MDFIC2: variants seen among roughly 807,000 people sequenced by gnomAD.
MDFIC2 encodes the protein myoD family inhibitor domain-containing protein 2.
At chr3:70,206,934 T>C in intron 2 of MDFIC2, 144 bp from the exon 3 acceptor site, 2 of 393,538 alleles carry the variant, frequency 5.1e-6, no homozygotes, top group South Asian at 1.4e-4. Flanking sequence ...AGCAAGACAA[T>C]TTTGAATAAA....
chr3:70,242,873 C>T (rs952394731), intron 2 of MDFIC2, among the ~76,000 whole-genome samples: 1 of 151,954 alleles, frequency 6.6e-6, no homozygotes, highest in African/African-American at 2.4e-5. Flanking sequence ...AATGTCTTGG[C>T]CATCTGTGCC....
chr3:70,279,435 C>T (rs1702059400), intron 2 of MDFIC2, among the ~76,000 whole-genome samples: 1 of 152,066 alleles, frequency 6.6e-6, no homozygotes, highest in South Asian at 2.1e-4. Flanking sequence ...TTATCTCCTT[C>T]ACATCTCTGA....
intron 2 of MDFIC2, among the ~76,000 whole-genome samples, chr3:70,281,719 CCTT>C (rs1480853418): frequency 6.6e-6 from 1 of 152,144 alleles, no homozygotes; most frequent in Non-Finnish European, 1.5e-5. Flanking sequence ...CAAGTGAACT[CCTT>C]CTCGTCTTTG....
intron 2 of MDFIC2, 131 bp downstream of exon 2, chr3:70,311,753 GAA>G (rs1437189238): frequency 4.7e-5 from 18 of 379,026 alleles, no homozygotes; most frequent in East Asian, 3.0e-4. Context: ...GAAAAAAAAA[GAA>G]AAGAGTGAAA....
intron 2 of MDFIC2, among the ~76,000 whole-genome samples, chr3:70,292,645 C>T (rs1238840104): frequency 6.6e-6 from 1 of 152,010 alleles, no homozygotes; most frequent in African/African-American, 2.4e-5. Flanking sequence ...ACTATTTAAA[C>T]TCCCTAATGA....
chr3:70,253,807 C>A (rs1346181451), intron 2 of MDFIC2, among the ~76,000 whole-genome samples: 1 of 152,076 alleles, frequency 6.6e-6, no homozygotes, highest in Admixed American at 6.6e-5. Context: ...TAAGACTATA[C>A]CATAACCCAT....
chr3:70,200,188 C>A (rs1300148427), intron 3 of MDFIC2, among the ~76,000 whole-genome samples: 1 of 152,206 alleles, frequency 6.6e-6, no homozygotes, highest in Admixed American at 6.5e-5. Flanking sequence ...CAGCCACCAG[C>A]AGGTCAACAG....
chr3:70,295,891 T>A (rs1031053611), intron 2 of MDFIC2, among the ~76,000 whole-genome samples: 2 of 152,180 alleles, frequency 1.3e-5, no homozygotes, highest in Non-Finnish European at 2.9e-5. Context: ...GATCTTTGCC[T>A]TGTTTCCCAT....
At chr3:70,204,846 T>C (rs1304358185) in intron 3 of MDFIC2, 2 of 152,110 alleles carry the variant, frequency 1.3e-5, no homozygotes, top group African/African-American at 2.4e-5. Context: ...ACTGTGGATA[T>C]GTACAATGGC....
intron 2 of MDFIC2, chr3:70,272,097 C>T (rs1245579679): frequency 6.6e-6 from 1 of 152,144 alleles, no homozygotes; most frequent in Non-Finnish European, 1.5e-5. Context: ...TAACAACAAT[C>T]CCCAAATATC....
chr3:70,289,531 A>G (rs1404556863), intron 2 of MDFIC2, among the ~76,000 whole-genome samples: 1 of 147,484 alleles, frequency 6.8e-6, no homozygotes, highest in Non-Finnish European at 1.5e-5. Flanking sequence ...TCTGACAATT[A>G]TGTGTCTTGG....
intron 2 of MDFIC2, among the ~76,000 whole-genome samples, chr3:70,274,334 A>G (rs1441968922): frequency 2.6e-5 from 4 of 152,150 alleles, no homozygotes; most frequent in Non-Finnish European, 4.4e-5. Context: ...AAGGTTGAGA[A>G]TCATCATATT....
At chr3:70,245,712 T>TATAC (rs1289496906) in intron 2 of MDFIC2, among the ~76,000 whole-genome samples, 1 of 128,382 alleles carries the variant, frequency 7.8e-6, no homozygotes, top group East Asian at 2.3e-4. Flanking sequence ...TATATATATA[T>TATAC]ATACACATTC....
At chr3:70,235,729 G>T (rs1701600345) in intron 2 of MDFIC2, among the ~76,000 whole-genome samples, 1 of 152,116 alleles carries the variant, frequency 6.6e-6, no homozygotes, top group Non-Finnish European at 1.5e-5. Context: ...ATTCAAATCA[G>T]GCCATTGATA....
At chr3:70,240,457 T>G (rs1038492497) in intron 2 of MDFIC2, among the ~76,000 whole-genome samples, 2 of 152,126 alleles carry the variant, frequency 1.3e-5, no homozygotes, top group Admixed American at 6.6e-5. Context: ...ACACACTATT[T>G]TTTGGTGTTC....
At chr3:70,217,512 T>C in intron 2 of MDFIC2, among the ~76,000 whole-genome samples, 1 of 152,162 alleles carries the variant, frequency 6.6e-6, no homozygotes, top group East Asian at 1.9e-4. Context: ...CTGAGCTTTC[T>C]AGGTTTTACC....
chr3:70,226,983 C>T (rs1219575756), intron 2 of MDFIC2, among the ~76,000 whole-genome samples: 1 of 152,094 alleles, frequency 6.6e-6, no homozygotes, highest in Admixed American at 6.5e-5. Flanking sequence ...GGAGCAGTGG[C>T]TCTTGATTGA....
At chr3:70,225,468 A>G (rs1284773464) in intron 2 of MDFIC2, among the ~76,000 whole-genome samples, 2 of 152,180 alleles carry the variant, frequency 1.3e-5, no homozygotes, top group Non-Finnish European at 2.9e-5. Context: ...TGTAAATCAG[A>G]TATCTACCTC....
chr3:70,234,001 A>G (rs1701586189), intron 2 of MDFIC2, among the ~76,000 whole-genome samples: 1 of 152,222 alleles, frequency 6.6e-6, no homozygotes. Flanking sequence ...CTCTAGGAGT[A>G]AAATGCTGAG....
Sources: allele counts gnomAD v4.1 joint callset (sites outside exome capture counted in the v4.1 genomes callset), GRCh38; gene constraint gnomAD v4.1.1; transcripts MANE v1.5; gene names NCBI Gene and HGNC (gene_info 2026-07-23, HGNC 2026-07-21).